COL10A1: variants seen among roughly 807,000 people sequenced by gnomAD.
COL10A1 encodes collagen type X alpha 1 chain.
Under a neutral mutation model 18.2 loss-of-function variants are expected in COL10A1, and 10 were observed. The observed-to-expected ratio is 0.55, with a 90% CI of 0.34 to 0.93. The LOEUF (loss-of-function observed/expected upper bound fraction) is 0.93. Ranked by LOEUF, COL10A1 falls within the 40% of genes least tolerant of loss-of-function variation. COL10A1 has a pLI of 0.02. For missense variants in COL10A1, 897 were observed against 853.5 expected, an observed-to-expected ratio of 1.05 and a Z score of -0.64; for synonymous variants, 330 against 316.6, an observed-to-expected ratio of 1.04 and a Z score of -0.45.
chr6:116,164,237 G>A, the COL10A1 span, among the ~76,000 whole-genome samples: 16 of 152,196 alleles, frequency 1.1e-4, no homozygotes, highest in South Asian at 3.3e-3. Context: ...TTTCTTAGGT[G>A]TAGTAGTACT....
the COL10A1 span, among the ~76,000 whole-genome samples, chr6:116,167,582 T>C: frequency 3.6e-4 from 55 of 152,334 alleles, no homozygotes; most frequent in African/African-American, 1.3e-3. Flanking sequence ...TTTCATTTGA[T>C]AAAATTGCAA....
the COL10A1 span, among the ~76,000 whole-genome samples, chr6:116,171,433 C>T: frequency 7.2e-5 from 11 of 152,194 alleles, no homozygotes; most frequent in South Asian, 2.3e-3. Context: ...TAAAAAAAGC[C>T]AGGCTGTGCA....
At chr6:116,129,822 C>T (rs889272538), upstream of COL10A1, among the ~76,000 whole-genome samples, 1 of 152,138 alleles carries the variant, frequency 6.6e-6, no homozygotes, top group African/African-American at 2.4e-5. Flanking sequence ...CATGCAATTT[C>T]CTGTGATCTA....
At chr6:116,128,979 A>G (rs953153100), upstream of COL10A1, among the ~76,000 whole-genome samples, 3 of 152,182 alleles carry the variant, frequency 2.0e-5, no homozygotes, top group African/African-American at 4.8e-5. Context: ...AAATGCCTAT[A>G]TGCCTGTCAT....
the COL10A1 span, among the ~76,000 whole-genome samples, chr6:116,178,374 G>A: frequency 1.3e-5 from 2 of 152,106 alleles, no homozygotes; most frequent in Non-Finnish European, 2.9e-5. Context: ...CTTGAAGTCA[G>A]CCTTTCTTGA....
At position 116,151,428 on chromosome 6, in the gene COL10A1, T is replaced by A. The variant is rs368586540; in HGVS notation, c.-16+7186A>T. On this transcript the variant is annotated intron_variant, in intron 1 of 1. Coordinates refer to the COL10A1 transcript ENST00000418500. The stretch of plus-strand genomic sequence containing the variant: ...TTTTTGGTTTATACCCTCTAAGTGA[T>A]TGTATAGTTAAAGGGCATTTATAGA... Among the ~76,000 whole-genome samples, 10 of 152,252 alleles carry A rather than the reference T, an allele frequency of 6.6e-5. No homozygotes were observed. In the East Asian group the frequency reaches 1.3e-3, roughly 20 times the overall value.
chr6:116,147,970 G>A (rs1387638313), intron 1 of COL10A1, among the ~76,000 whole-genome samples: 1 of 151,270 alleles, frequency 6.6e-6, no homozygotes, highest in Non-Finnish European at 1.5e-5. Flanking sequence ...TGGCGACAGA[G>A]CGAGACTCTG....
At chr6:116,144,376 C>G (rs949171942) in intron 1 of COL10A1, among the ~76,000 whole-genome samples, 4 of 152,034 alleles carry the variant, frequency 2.6e-5, no homozygotes, top group Non-Finnish European at 4.4e-5. Flanking sequence ...TGGTGCACGC[C>G]TGTAGTCCCA....
At chr6:116,171,738 TC>T in the COL10A1 span, among the ~76,000 whole-genome samples, 4 of 152,212 alleles carry the variant, frequency 2.6e-5, no homozygotes, top group East Asian at 7.7e-4. Flanking sequence ...TACGGTTTTC[TC>T]CCATGGTAAG....
At chr6:116,186,020 C>G in the COL10A1 span, among the ~76,000 whole-genome samples, 1 of 151,982 alleles carries the variant, frequency 6.6e-6, no homozygotes, top group Non-Finnish European at 1.5e-5. Flanking sequence ...GGATTTCTTT[C>G]AAGATTTAGA....
At chr6:116,178,102 C>CGTGTGT in the COL10A1 span, among the ~76,000 whole-genome samples, 12 of 94,538 alleles carry the variant, frequency 1.3e-4, no homozygotes, top group African/African-American at 6.3e-4. Context: ...CGCGCGCGCG[C>CGTGTGT]GTGCGTGCGT....
chr6:116,124,207 T>C (rs1779223904), intron 2 of COL10A1, among the ~76,000 whole-genome samples: 1 of 152,132 alleles, frequency 6.6e-6, no homozygotes, highest in Non-Finnish European at 1.5e-5. Context: ...GTTTCATTGC[T>C]CAAAATGGTT....
chr6:116,194,313 CACA>C, the COL10A1 span, among the ~76,000 whole-genome samples: 64 of 152,054 alleles, frequency 4.2e-4, no homozygotes, highest in South Asian at 1.0e-3. Context: ...TACTTGTTTT[CACA>C]ACAAGTAATA....
At chr6:116,156,520 A>G (rs764928694) in intron 1 of COL10A1, among the ~76,000 whole-genome samples, 1 of 152,218 alleles carries the variant, frequency 6.6e-6, no homozygotes, top group Non-Finnish European at 1.5e-5. Context: ...TAAGGAAGAC[A>G]TGGGCAAAGT....
rs1435331644 is a variant in COL10A1 at position 116,121,486 on chromosome 6, G to T, written c.630C>A (p.Pro210=). Residue 210 remains proline (P), a synonymous_variant, in exon 3 of 3, where the codon CCC becomes CCA. Transcript: ENST00000651968. ...GERGLPGPQG[P]TGPSGPPGVG... ...CTCCAGGAGGGCCAGATGGTCCTGT[G>T]GGACCCTGAGGGCCTGGAAGACCCC... The T allele has an allele frequency of 1.9e-6, 3 of 1,613,994 alleles. No individual in the cohort carries two copies. In the South Asian group the frequency reaches 3.3e-5, roughly 18 times the overall value.
intron 2 of COL10A1, among the ~76,000 whole-genome samples, chr6:116,124,530 A>G (rs183072254): frequency 3.0e-4 from 45 of 152,356 alleles, no homozygotes; most frequent in Non-Finnish European, 5.4e-4. Flanking sequence ...ATTGAAGGCT[A>G]TATTAGTAGC....
At chr6:116,162,919 A>G (rs529281619), upstream of COL10A1, among the ~76,000 whole-genome samples, 10 of 152,052 alleles carry the variant, frequency 6.6e-5, no homozygotes, top group East Asian at 1.9e-3. Context: ...CGAGGTCAGG[A>G]GATCGAGACC....
chr6:116,120,632 G>A lies in COL10A1; in HGVS notation c.1484C>T (p.Pro495Leu). Residue 495 changes from proline to leucine, a missense_variant, in exon 3 of 3, where the codon CCA becomes CTA. Pro to Leu is a moderately conservative substitution (Grantham distance 98, BLOSUM62 -3). Transcript: ENST00000651968. ...CTCTCCAGAGTGGCCTCTTGGACCT[G>A]GAGGCCCTGGTGGCCCGGTGGGTCC... ...LNGPTGPPGPPGPRGHSGEPG... is the reference protein window; with the variant it reads ...LNGPTGPPGPLGPRGHSGEPG... 1.3e-6 allele frequency: 2 copies of A among 1,554,236 alleles called. No individual in the cohort carries two copies. The highest frequency in any genetic ancestry group is 1.7e-6 in the Non-Finnish European group (2 of 1,158,060).
At chr6:116,142,530 A>G (rs1401083788) in intron 1 of COL10A1, among the ~76,000 whole-genome samples, 2 of 152,178 alleles carry the variant, frequency 1.3e-5, no homozygotes, top group African/African-American at 2.4e-5. Flanking sequence ...ATTTGTTAGC[A>G]TCTGAAAATA....
Sources: gnomAD v4.1 joint callset for allele counts (sites outside exome capture counted in the v4.1 genomes callset) on GRCh38, gnomAD v4.1.1 for gene constraint, MANE v1.5 for transcripts, NCBI Gene and HGNC (gene_info 2026-07-23, HGNC 2026-07-21) for gene names.